SHANK2: variants seen among roughly 807,000 people sequenced by gnomAD.
SHANK2 encodes SH3 and multiple ankyrin repeat domains 2.
In SHANK2, 43 loss-of-function variants were observed where a neutral mutation model predicts 133.7. The observed-to-expected ratio is 0.32, with a 90% CI of 0.25 to 0.41. The LOEUF (loss-of-function observed/expected upper bound fraction) is 0.41, where lower values mean the gene tolerates loss of function less well. Among genes scored for constraint, SHANK2 ranks in the 10% least tolerant of loss-of-function variants. SHANK2 has a pLI of 1.00. For synonymous variants in SHANK2, 1,017 were observed against 952.8 expected, an observed-to-expected ratio of 1.07 and a Z score of -1.24; for missense variants, 1,994 against 2,235.8, an observed-to-expected ratio of 0.89 and a Z score of 2.18.
At chr11:71,242,149 A>G (rs1247620797) in intron 1 of SHANK2, among the ~76,000 whole-genome samples, 12 of 152,146 alleles carry the variant, frequency 7.9e-5, no homozygotes, top group Non-Finnish European at 4.4e-5. Flanking sequence ...AAAGACAAAC[A>G]CTGCATGATT....
intron 1 of SHANK2, among the ~76,000 whole-genome samples, chr11:71,243,476 C>T (rs543910040): frequency 6.6e-5 from 10 of 152,176 alleles, no homozygotes; most frequent in South Asian, 4.2e-4. Context: ...GGGCGGATCA[C>T]GAGGTCAGGA....
Position 70,707,271 on chromosome 11 carries a change from C to T in SHANK2, c.1778-8508G>A, listed in dbSNP as rs148157758. Among the ~76,000 whole-genome samples the T allele has an allele frequency of 5.7e-3, 840 of 147,822 alleles. 18 individuals carry two copies. The highest frequency in any genetic ancestry group is 0.02 in the African/African-American group (794 of 40,138). On this transcript the variant is annotated intron_variant, in intron 14 of 25. Coordinates refer to ENST00000601538, the MANE Select transcript of SHANK2 (RefSeq NM_012309.5). ...CCTGTAATCTCAGCTACTTGGGAGG[C>T]TGAGGCAGGAGAATCGCCTGAACCC...
chr11:71,091,258 A>AC (rs1555093945), intron 8 of SHANK2, among the ~76,000 whole-genome samples: 3 of 151,920 alleles, frequency 2.0e-5, no homozygotes, highest in African/African-American at 7.3e-5. Context: ...AGCCCCACAG[A>AC]CCCCTACTCA....
At position 70,825,432 on chromosome 11, in the gene SHANK2, G is replaced by A. The variant is rs1211597875; in HGVS notation, c.1175-4750C>T. Among the ~76,000 whole-genome samples, 4 of 152,182 alleles carry A rather than the reference G, an allele frequency of 2.6e-5. 1 individual carries two copies. The highest frequency in any genetic ancestry group is 9.7e-5 in the African/African-American group (4 of 41,438). On this transcript the variant is annotated intron_variant, in intron 11 of 25. Transcript: ENST00000601538. ...AAGAGTATGGACTTAGAGGGGGGAAGAATTCACATGGGGAGGCCACCCTTG... is the reference window on the plus strand; with the variant it reads ...AAGAGTATGGACTTAGAGGGGGGAAAAATTCACATGGGGAGGCCACCCTTG...
intron 2 of SHANK2, among the ~76,000 whole-genome samples, chr11:71,218,683 C>T (rs782585663): frequency 3.3e-5 from 5 of 152,148 alleles, no homozygotes; most frequent in African/African-American, 4.8e-5. Flanking sequence ...AACACCTACA[C>T]ACCCAATCTC....
chr11:71,142,710 C>T (rs1952579952), intron 3 of SHANK2, among the ~76,000 whole-genome samples: 2 of 142,534 alleles, frequency 1.4e-5, no homozygotes, highest in African/African-American at 5.3e-5. Context: ...TGTCCTTAAA[C>T]AGAATCTGCA....
intron 3 of SHANK2, among the ~76,000 whole-genome samples, chr11:71,139,014 C>A (rs1555105296): frequency 6.6e-6 from 1 of 152,034 alleles, no homozygotes; most frequent in Non-Finnish European, 1.5e-5. Flanking sequence ...AGCTGAGTGA[C>A]AATGCATGGT....
At chr11:70,558,467 G>C (rs1554980103) in intron 17 of SHANK2, among the ~76,000 whole-genome samples, 12 of 152,230 alleles carry the variant, frequency 7.9e-5, no homozygotes, top group Non-Finnish European at 1.5e-5. Flanking sequence ...TCGGAGCTCA[G>C]GCTGGAGCCA....
intron 15 of SHANK2, among the ~76,000 whole-genome samples, chr11:70,679,075 T>G (rs1373048863): frequency 1.3e-5 from 2 of 152,106 alleles, no homozygotes; most frequent in African/African-American, 4.8e-5. Flanking sequence ...CCGTAACAGG[T>G]GACGGCACGG....
In SHANK2 at chr11:70,470,342, G is replaced by GTATC. The variant is rs1299878919; in HGVS notation, c.*2523_*2526dup. 6.6e-6 allele frequency: 1 copy of GTATC among 152,238 alleles called. No homozygotes were observed. 9.4% of individuals were successfully genotyped at this position (152,238 alleles called of 1,614,324 possible). A position where few individuals can be genotyped will look rare whatever the true frequency, so the allele number is the denominator to read the frequency against. On this transcript the variant is annotated 3_prime_UTR_variant, in exon 26 of 26. Coordinates refer to ENST00000601538, the MANE Select transcript of SHANK2 (RefSeq NM_012309.5). ...TGTGGTTAGTGGCATGTGGCTTGGA[G>GTATC]TATCTTTAAGAAAGGGAATAACATC... is the stretch of plus-strand genomic sequence containing the variant.
chr11:71,149,767 T>G (rs1952729158), intron 2 of SHANK2, among the ~76,000 whole-genome samples: 16 of 44,302 alleles, frequency 3.6e-4, no homozygotes, highest in South Asian at 9.6e-4. Context: ...GGGAAGGAGG[T>G]AGATGGATGG....
In SHANK2 at chr11:71,139,278, C is replaced by T. The variant is rs146084223; in HGVS notation, c.207+7842G>A. On this transcript the variant is annotated intron_variant, in intron 3 of 25. Coordinates refer to ENST00000601538, the MANE Select transcript of SHANK2 (RefSeq NM_012309.5). ...CCGACGTAGACACCCCAGCAGAGCC[C>T]GACAAAGGCCGCCACAGCCCCGTTC... 5.0e-3 allele frequency among the ~76,000 whole-genome samples: 755 copies of T among 149,870 alleles called. 4 individuals are homozygous for T. The highest frequency in any genetic ancestry group is 0.014 in the Middle Eastern group (4 of 290).
At chr11:70,806,754 G>A (rs1042494107) in intron 13 of SHANK2, among the ~76,000 whole-genome samples, 1 of 152,200 alleles carries the variant, frequency 6.6e-6, no homozygotes, top group African/African-American at 2.4e-5. Context: ...CTTCTCAAGT[G>A]GAATCTCATT....
At chr11:70,663,865 AT>A (rs1944630283) in intron 15 of SHANK2, among the ~76,000 whole-genome samples, 1 of 152,160 alleles carries the variant, frequency 6.6e-6, no homozygotes, top group South Asian at 2.1e-4. Context: ...TCACATGGTT[AT>A]TGTGACCTTT....
chr11:71,084,746 G>A (rs982771825), intron 8 of SHANK2, among the ~76,000 whole-genome samples: 93 of 152,210 alleles, frequency 6.1e-4, no homozygotes, highest in Admixed American at 1.3e-3. Flanking sequence ...AGGCAGCATA[G>A]AGAACCAGGC....
At chr11:70,813,879 G>A (rs1216323916) in intron 12 of SHANK2, among the ~76,000 whole-genome samples, 1 of 152,136 alleles carries the variant, frequency 6.6e-6, no homozygotes, top group Non-Finnish European at 1.5e-5. Context: ...TGTGATTCTG[G>A]TGACGGCATC....
chr11:70,641,854 G>A (rs1391951899), intron 17 of SHANK2, among the ~76,000 whole-genome samples: 3 of 152,186 alleles, frequency 2.0e-5, no homozygotes, highest in African/African-American at 7.2e-5. Flanking sequence ...CGAGATCCCT[G>A]GGCTGTGGGC....
At chr11:70,622,964 G>T (rs2060851488) in intron 17 of SHANK2, among the ~76,000 whole-genome samples, 1 of 152,024 alleles carries the variant, frequency 6.6e-6, no homozygotes, top group Admixed American at 6.5e-5. Flanking sequence ...ATCACCTGAG[G>T]TCAGGAGTTT....
At chr11:70,892,807 A>T (rs1555074960) in intron 11 of SHANK2, among the ~76,000 whole-genome samples, 2 of 152,136 alleles carry the variant, frequency 1.3e-5, no homozygotes, top group African/African-American at 4.8e-5. Flanking sequence ...TAGGAGCTGG[A>T]ACTGGTGGGT....
Sources: allele counts gnomAD v4.1 joint callset (sites outside exome capture counted in the v4.1 genomes callset), GRCh38; gene constraint gnomAD v4.1.1; transcripts MANE v1.5; gene names NCBI Gene and HGNC (gene_info 2026-07-23, HGNC 2026-07-21).